The following RNU12 variants were observed in gnomAD, a reference collection of about 807,000 sequenced individuals.
The protein encoded by RNU12 is RNA, U12 small nuclear 1.
exon 1 of RNU12, chr22:42,615,311 G>GT (rs747518172): frequency 3.3e-5 from 6 of 179,518 alleles, no homozygotes; most frequent in South Asian, 8.1e-5. Context: ...CTGCTAATGT[G>GT]AGACGAATTT....
At chr22:42,615,291 C>G (rs537872050) in exon 1 of RNU12, 22 of 202,918 alleles carry the variant, frequency 1.1e-4, no homozygotes, top group Non-Finnish European at 1.9e-4. Flanking sequence ...GGGTGACGCC[C>G]GAATCCTCAC....
At chr22:42,615,367 G>GT (rs1569310096) in exon 1 of RNU12, 1 of 157,014 alleles carries the variant, frequency 6.4e-6, no homozygotes, top group African/African-American at 2.4e-5. Context: ...CTACTTTGCG[G>GT]GATGCCTGGG....
rs79126439 is a variant in RNU12, at chr22:42,615,345, A to G, written n.102A>G. ...TTTTGAGCGGGTAAAGGTCGCCCTC[A>G]AGGTGACCCGCCTACTTTGCGGGAT... On this transcript the variant is annotated non_coding_transcript_exon_variant, in exon 1 of 1. Coordinates refer to ENST00000362512, the Ensembl canonical transcript of RNU12. The G allele has an allele frequency of 3.7e-3, 592 of 161,406 alleles. 1 individual carries two copies. The highest frequency in any genetic ancestry group is 0.01 in the African/African-American group (416 of 41,588). 10.0% of individuals were successfully genotyped at this position (161,406 alleles called of 1,614,324 possible).
At chr22:42,615,354 C>T (rs564705737) in exon 1 of RNU12, 55 of 157,770 alleles carry the variant, frequency 3.5e-4, no homozygotes, top group Admixed American at 1.4e-3. Context: ...CAAGGTGACC[C>T]GCCTACTTTG....
chr22:42,615,274 C>T (rs192887737), exon 1 of RNU12: 26 of 203,360 alleles, frequency 1.3e-4, no homozygotes, highest in East Asian at 3.5e-4. Context: ...AGGAAAATAA[C>T]GATTCGGGGT....
chr22:42,615,257 A>G (rs912411551), exon 1 of RNU12: 5 of 214,754 alleles, frequency 2.3e-5, no homozygotes, highest in Admixed American at 5.9e-5. Flanking sequence ...CCTTAAACTT[A>G]TGAGTAAGGA....
chr22:42,615,254 C>G (rs550952834), exon 1 of RNU12: 2 of 222,722 alleles, frequency 9.0e-6, no homozygotes, highest in Non-Finnish European at 1.8e-5. Context: ...ATGCCTTAAA[C>G]TTATGAGTAA....
At chr22:42,615,377 G>C in exon 1 of RNU12, 1 of 157,064 alleles carries the variant, frequency 6.4e-6, no homozygotes, top group South Asian at 1.5e-4. Context: ...GGATGCCTGG[G>C]AGTTGCGATC....
chr22:42,615,314 A>G (rs964193871), exon 1 of RNU12: 6 of 178,110 alleles, frequency 3.4e-5, no homozygotes, highest in East Asian at 1.9e-4. Flanking sequence ...CTAATGTGAG[A>G]CGAATTTTTG....
chr22:42,615,294 A>C (rs750354602), exon 1 of RNU12: 10 of 205,456 alleles, frequency 4.9e-5, no homozygotes, highest in Non-Finnish European at 6.1e-5. Flanking sequence ...TGACGCCCGA[A>C]TCCTCACTGC....
chr22:42,615,347 G>A (rs542465984), exon 1 of RNU12: 34 of 161,130 alleles, frequency 2.1e-4, no homozygotes, highest in East Asian at 7.6e-4. Context: ...TCGCCCTCAA[G>A]GTGACCCGCC....
chr22:42,615,325 AGCGGGTAAAGGT>A (rs1927453193), exon 1 of RNU12: 1 of 174,000 alleles, frequency 5.7e-6, no homozygotes, highest in Admixed American at 6.2e-5. Flanking sequence ...CGAATTTTTG[AGCGGGTAAAGGT>A]CGCCCTCAAG....
exon 1 of RNU12, chr22:42,615,339 G>C (rs563376636): frequency 1.2e-5 from 2 of 162,926 alleles, no homozygotes; most frequent in African/African-American, 4.8e-5. Flanking sequence ...GGTAAAGGTC[G>C]CCCTCAAGGT....
exon 1 of RNU12, chr22:42,615,359 A>G (rs570474791): frequency 1.8e-4 from 29 of 157,524 alleles, no homozygotes; most frequent in East Asian, 3.8e-4. Context: ...TGACCCGCCT[A>G]CTTTGCGGGA....
chr22:42,615,317 A>T (rs775986975), exon 1 of RNU12: 1 of 174,100 alleles, frequency 5.7e-6, no homozygotes, highest in Non-Finnish European at 1.2e-5. Flanking sequence ...ATGTGAGACG[A>T]ATTTTTGAGC....
exon 1 of RNU12, chr22:42,615,247 CCTTA>C (rs1569309761): frequency 8.6e-6 from 2 of 233,326 alleles, no homozygotes; most frequent in Non-Finnish European, 8.6e-6. Flanking sequence ...CGTCCTTATG[CCTTA>C]AACTTATGAG....
At chr22:42,615,292 G>GT (rs1370050764) in exon 1 of RNU12, 5 of 206,096 alleles carry the variant, frequency 2.4e-5, no homozygotes, top group African/African-American at 9.6e-5. Context: ...GGTGACGCCC[G>GT]AATCCTCACT....
exon 1 of RNU12, chr22:42,615,283 G>C (rs1055975165): frequency 4.9e-6 from 1 of 206,058 alleles, no homozygotes; most frequent in South Asian, 5.4e-5. Flanking sequence ...ACGATTCGGG[G>C]TGACGCCCGA....
In RNU12 at chr22:42,615,290, C is replaced by T. The variant is rs538260982; in HGVS notation, n.47C>T. 2.5e-4 allele frequency: 51 copies of T among 205,754 alleles called. 1 individual carries two copies. Among genetic ancestry groups the T allele is most frequent in the South Asian group, 1.1e-3 (20 of 18,536 alleles). 12.7% of individuals were successfully genotyped at this position (205,754 alleles called of 1,614,324 possible). A position where few individuals can be genotyped will look rare whatever the true frequency, so the allele number is the denominator to read the frequency against. ...GGAAAATAACGATTCGGGGTGACGC[C>T]CGAATCCTCACTGCTAATGTGAGAC... On this transcript the variant is annotated non_coding_transcript_exon_variant, in exon 1 of 1. Coordinates refer to ENST00000362512, the Ensembl canonical transcript of RNU12.
Sources: allele counts gnomAD v4.1 joint callset, GRCh38; gene constraint gnomAD v4.1.1; transcripts MANE v1.5; gene names NCBI Gene and HGNC (gene_info 2026-07-23, HGNC 2026-07-21).